DUSP19: variants seen among roughly 807,000 people sequenced by gnomAD.
The protein encoded by DUSP19 is dual specificity protein phosphatase 19.
Under a neutral mutation model 16.6 loss-of-function variants are expected in DUSP19, and 14 were observed. The observed-to-expected ratio is 0.84, with a 90% CI of 0.56 to 1.32. DUSP19 has a LOEUF of 1.32. Among genes scored for constraint, DUSP19 ranks in the 40% most tolerant of loss-of-function variants. The probability of loss-of-function intolerance (pLI) is 0.00; values close to 1 mark genes in which losing one functional copy is unlikely to be tolerated. For missense variants in DUSP19, 258 were observed against 255.9 expected (o/e 1.01, Z -0.06); for synonymous variants, 81 against 90.5 (o/e 0.90, Z 0.59).
At chr2:183,087,570 A>G (rs565659983) in intron 3 of DUSP19, among the ~76,000 whole-genome samples, 15 of 152,370 alleles carry the variant, frequency 9.8e-5, no homozygotes, top group South Asian at 2.1e-4. Flanking sequence ...AATGCTGATC[A>G]GAAACTGTCT....
chr2:183,091,790 T>C (rs1302900309), intron 3 of DUSP19, among the ~76,000 whole-genome samples: 2 of 152,228 alleles, frequency 1.3e-5, no homozygotes, highest in Non-Finnish European at 2.9e-5. Context: ...CTTTTGTTAC[T>C]TAGGTGTGGA....
At chr2:183,083,976 C>T (rs1699627199) in intron 2 of DUSP19, among the ~76,000 whole-genome samples, 1 of 152,136 alleles carries the variant, frequency 6.6e-6, no homozygotes, top group African/African-American at 2.4e-5. Flanking sequence ...CATATTTACT[C>T]AAAAGGATTT....
chr2:183,088,093 A>G (rs919885471), intron 3 of DUSP19, among the ~76,000 whole-genome samples: 1 of 152,218 alleles, frequency 6.6e-6, no homozygotes, highest in African/African-American at 2.4e-5. Context: ...TGGTGGTTCC[A>G]TAAGATTATA....
intron 1 of DUSP19, among the ~76,000 whole-genome samples, chr2:183,082,392 A>T (rs1268423415): frequency 6.7e-6 from 1 of 148,424 alleles, no homozygotes; most frequent in African/African-American, 2.5e-5. Flanking sequence ...ACCTGCTTTT[A>T]TAACCAGATA....
intron 2 of DUSP19, among the ~76,000 whole-genome samples, chr2:183,086,642 C>A (rs114378739): frequency 2.2e-5 from 3 of 138,838 alleles, no homozygotes; most frequent in Non-Finnish European, 3.1e-5. Flanking sequence ...ACCCGCCCCC[C>A]TCTTCTCTGA....
At chr2:183,081,574 C>G (rs958270270) in intron 1 of DUSP19, among the ~76,000 whole-genome samples, 13 of 152,100 alleles carry the variant, frequency 8.5e-5, no homozygotes, top group African/African-American at 2.4e-5. Flanking sequence ...TTATTTGAAC[C>G]TATTTTTTCC....
Position 183,097,200 on chromosome 2 carries a change from T to C in DUSP19, c.*1542T>C. ...GCCACCACATCTGGCTAATTTTATTTTTATTTTTGTAGAGACAGGAGTCTT... is the reference window on the plus strand; with the variant it reads ...GCCACCACATCTGGCTAATTTTATTCTTATTTTTGTAGAGACAGGAGTCTT... On this transcript the variant is annotated 3_prime_UTR_variant, in exon 4 of 4. Transcript: ENST00000354221. 6.6e-6 allele frequency: 1 copy of C among 152,176 alleles called. No homozygotes were observed. Among genetic ancestry groups the C allele is most frequent in the Non-Finnish European group, 1.5e-5 (1 of 68,130 alleles). The allele number at this position is 152,176 out of a possible 1,614,324, so 9.4% of individuals were successfully genotyped here.
At chr2:183,086,930 C>T (rs886504136) in intron 2 of DUSP19, 110 bp from the exon 3 acceptor site, 13 of 973,060 alleles carry the variant, frequency 1.3e-5, no homozygotes, top group South Asian at 1.6e-5. Context: ...TCAAGTGAGT[C>T]GCATTTAAAT....
intron 3 of DUSP19, among the ~76,000 whole-genome samples, chr2:183,093,128 C>T (rs995936144): frequency 1.3e-5 from 2 of 152,112 alleles, no homozygotes; most frequent in African/African-American, 4.8e-5. Context: ...CCTCAAGGAG[C>T]TTGAAATCTA....
intron 2 of DUSP19, 79 bp from the exon 3 acceptor site, chr2:183,086,961 G>A: frequency 7.2e-7 from 1 of 1,397,648 alleles, no homozygotes; most frequent in Non-Finnish European, 9.7e-7. Context: ...TCTTGTTATA[G>A]ATATCAACAC....
intron 3 of DUSP19, among the ~76,000 whole-genome samples, chr2:183,090,207 T>C (rs551641487): frequency 6.6e-6 from 1 of 152,390 alleles, no homozygotes; most frequent in African/African-American, 2.4e-5. Context: ...GAATTACATG[T>C]TTCAAAACTA....
Position 183,099,620 on chromosome 2 carries a change from G to A in DUSP19, c.*3962G>A, listed in dbSNP as rs150880454. 8.6e-3 allele frequency: 1,302 copies of A among 152,162 alleles called. 18 individuals carry two copies. Among genetic ancestry groups the A allele is most frequent in the African/African-American group, 0.03 (1,264 of 41,500 alleles). The allele number at this position is 152,162 out of a possible 1,614,324, so 9.4% of individuals were successfully genotyped here. A position where few individuals can be genotyped will look rare whatever the true frequency, so the allele number is the denominator to read the frequency against. ...TGATATACTTTAATAAAAATGATAT[G>A]TTTAATATTTTCCCATTAATATATT... On this transcript the variant is annotated 3_prime_UTR_variant, in exon 4 of 4. Transcript: ENST00000354221.
intron 1 of DUSP19, among the ~76,000 whole-genome samples, chr2:183,081,443 T>C (rs892504399): frequency 2.0e-5 from 3 of 152,044 alleles, no homozygotes; most frequent in Non-Finnish European, 4.4e-5. Context: ...GATGCGGTTT[T>C]ACCATGTTGC....
intron 2 of DUSP19, among the ~76,000 whole-genome samples, chr2:183,084,003 T>G (rs896450209): frequency 1.3e-5 from 2 of 152,202 alleles, no homozygotes; most frequent in African/African-American, 4.8e-5. Flanking sequence ...CTCTACCATT[T>G]TTTTGAGTAC....
At chr2:183,091,340 A>G (rs72890362) in intron 3 of DUSP19, among the ~76,000 whole-genome samples, 9,041 of 152,168 alleles carry the variant, frequency 0.059, 406 homozygotes, top group Non-Finnish European at 0.093. Flanking sequence ...CATCAAAGCA[A>G]AGAAAGAATG....
intron 2 of DUSP19, among the ~76,000 whole-genome samples, chr2:183,086,211 ACT>A (rs1037592076): frequency 6.6e-6 from 1 of 152,096 alleles, no homozygotes; most frequent in African/African-American, 2.4e-5. Flanking sequence ...TCATCAGGTG[ACT>A]CTAATGTGCA....
chr2:183,083,940 C>T (rs753354786), intron 2 of DUSP19, among the ~76,000 whole-genome samples: 40 of 152,148 alleles, frequency 2.6e-4, no homozygotes, highest in Middle Eastern at 3.2e-3. Context: ...AGCCACTCTA[C>T]TCCATACAAC....
At chr2:183,094,831 C>G (rs983758211) in intron 3 of DUSP19, among the ~76,000 whole-genome samples, 3 of 152,138 alleles carry the variant, frequency 2.0e-5, no homozygotes, top group Non-Finnish European at 4.4e-5. Flanking sequence ...ATTTGCAAGC[C>G]ATTGACACTA....
chr2:183,084,952 A>C (rs889242006), intron 2 of DUSP19, among the ~76,000 whole-genome samples: 5 of 152,266 alleles, frequency 3.3e-5, no homozygotes, highest in African/African-American at 1.2e-4. Context: ...GAGAAGGAGG[A>C]GTCAAGGCTG....
Sources: allele counts gnomAD v4.1 joint callset (sites outside exome capture counted in the v4.1 genomes callset), GRCh38; gene constraint gnomAD v4.1.1; transcripts MANE v1.5; gene names NCBI Gene and HGNC (gene_info 2026-07-23, HGNC 2026-07-21).